NCOA6: variants seen among roughly 807,000 people sequenced by gnomAD.
NCOA6 encodes NRC RAP250.
NCOA6 carries 49 observed loss-of-function variants against 171.4 expected under a neutral mutation model. That is an observed-to-expected ratio of 0.29 (90% CI 0.23 to 0.36). The LOEUF (loss-of-function observed/expected upper bound fraction) is 0.36, where lower values mean the gene tolerates loss of function less well. NCOA6 is among the 10% of genes least tolerant of loss of function. The pLI is 1.00. For missense variants in NCOA6, 2,248 were observed against 2,554.5 expected, an observed-to-expected ratio of 0.88 and a Z score of 2.59; for synonymous variants, 910 against 927.5, an observed-to-expected ratio of 0.98 and a Z score of 0.34.
intron 12 of NCOA6, 191 bp from the exon 13 acceptor site, chr20:34,732,786 G>A: frequency 2.0e-6 from 1 of 489,320 alleles, no homozygotes; most frequent in Non-Finnish European, 3.6e-6. Flanking sequence ...TAAGACACTT[G>A]GTCTATTTTT....
At chr20:34,727,168 G>A in intron 14 of NCOA6, 91 bp downstream of exon 14, 1 of 1,424,292 alleles carries the variant, frequency 7.0e-7, no homozygotes, top group Non-Finnish European at 9.6e-7. Flanking sequence ...AGGAACAGAA[G>A]CAATGATGAA....
At chr20:34,720,924 T>C (rs531533863) in intron 14 of NCOA6, among the ~76,000 whole-genome samples, 1 of 152,342 alleles carries the variant, frequency 6.6e-6, no homozygotes, top group East Asian at 1.9e-4. Context: ...TTAATTTGGC[T>C]CCAAGAGCTT....
chr20:34,763,460 T>C (rs1042423973), intron 5 of NCOA6, among the ~76,000 whole-genome samples: 4 of 152,234 alleles, frequency 2.6e-5, no homozygotes, highest in African/African-American at 9.6e-5. Context: ...TGTTTTCTTA[T>C]GATTCTCATA....
At chr20:34,767,055 A>G (rs1473675947) in intron 5 of NCOA6, among the ~76,000 whole-genome samples, 1 of 152,160 alleles carries the variant, frequency 6.6e-6, no homozygotes, top group Non-Finnish European at 1.5e-5. Context: ...AGGTCCTGAC[A>G]TATATATTTT....
chr20:34,742,097 G>A lies in NCOA6; in HGVS notation c.4159C>T (p.Pro1387Ser). The change falls in exon 11 of 15, where the codon CCT becomes TCT. Residue 1387 changes from proline to serine, a missense_variant. Physicochemically the swap from Pro to Ser is moderately conservative, Grantham distance 74 (BLOSUM62 -1). Coordinates refer to ENST00000359003, the MANE Select transcript of NCOA6 (RefSeq NM_014071.5). Reference protein sequence around the residue: ...SPTPLANPPVPGSFPNNSGLN... With the variant: ...SPTPLANPPVSGSFPNNSGLN... ...CCACTGTTGTTAGGAAAGCTCCCAG[G>A]TACAGGGGGATTGGCCAGAGGAGTG... 6.2e-7 allele frequency: 1 copy of A among 1,614,152 alleles called. No homozygotes were observed. The highest frequency in any genetic ancestry group is 8.5e-7 in the Non-Finnish European group (1 of 1,180,022).
chr20:34,752,018 C>T (rs760048378), intron 8 of NCOA6, among the ~76,000 whole-genome samples: 12 of 152,108 alleles, frequency 7.9e-5, no homozygotes, highest in Non-Finnish European at 8.8e-5. Context: ...ACAACACACC[C>T]GGCTAATTTT....
chr20:34,741,645 CAG>C lies in NCOA6; in HGVS notation c.4609_4610del (p.Leu1537ValfsTer4). 6.2e-7 allele frequency: 1 copy of C among 1,614,226 alleles called. No individual in the cohort carries two copies. Among genetic ancestry groups the C allele is most frequent in the Non-Finnish European group, 8.5e-7 (1 of 1,180,038 alleles). On this transcript the variant is annotated frameshift_variant, in exon 11 of 15. Coordinates refer to ENST00000359003, the MANE Select transcript of NCOA6 (RefSeq NM_014071.5). LOFTEE classifies it high-confidence loss of function. ...KASVIPTLQD[L>X]SSSKEPSNSL... ...AATTAGAAGGTTCTTTAGAAGAAGACAGATCCTGCAGTGTGGGAATGACAGAT... is the reference window on the plus strand; with the variant it reads ...AATTAGAAGGTTCTTTAGAAGAAGACATCCTGCAGTGTGGGAATGACAGAT...
intron 14 of NCOA6, among the ~76,000 whole-genome samples, chr20:34,718,392 T>C (rs561267461): frequency 6.6e-6 from 1 of 152,288 alleles, no homozygotes; most frequent in Admixed American, 6.5e-5. Context: ...AAAAACATCT[T>C]TTGATGAGTT....
At chr20:34,754,594 A>G in intron 8 of NCOA6, 128 bp downstream of exon 8, 1 of 1,151,166 alleles carries the variant, frequency 8.7e-7, no homozygotes, top group Non-Finnish European at 1.2e-6. Flanking sequence ...TGAAAGAATA[A>G]TTATTTATGG....
At chr20:34,744,827 T>C (rs991650306) in intron 10 of NCOA6, among the ~76,000 whole-genome samples, 22 of 152,194 alleles carry the variant, frequency 1.4e-4, no homozygotes, top group East Asian at 9.6e-4. Flanking sequence ...ATTAAGAAAT[T>C]TGTAATTGCT....
chr20:34,804,223 G>C (rs1418857876), intron 1 of NCOA6, among the ~76,000 whole-genome samples: 1 of 151,250 alleles, frequency 6.6e-6, no homozygotes, highest in Non-Finnish European at 1.5e-5. Context: ...TGTAGTCCCA[G>C]CTATTCAGGA....
chr20:34,792,177 A>G (rs1252003277), intron 2 of NCOA6, among the ~76,000 whole-genome samples: 1 of 152,168 alleles, frequency 6.6e-6, no homozygotes, highest in African/African-American at 2.4e-5. Context: ...ATCAACATAA[A>G]TTCTAAAAAT....
chr20:34,770,103 A>G (rs1034285760), intron 4 of NCOA6, among the ~76,000 whole-genome samples: 4 of 151,202 alleles, frequency 2.6e-5, no homozygotes, highest in African/African-American at 7.3e-5. Context: ...GCAGTGGTGC[A>G]ATCTCGGCTC....
intron 5 of NCOA6, among the ~76,000 whole-genome samples, chr20:34,762,117 G>C (rs2076836522): frequency 6.6e-6 from 1 of 152,118 alleles, no homozygotes; most frequent in African/African-American, 2.4e-5. Flanking sequence ...TAAATGTCTT[G>C]AGGCTAGGTT....
At chr20:34,739,382 A>T (rs1348365294) in intron 11 of NCOA6, among the ~76,000 whole-genome samples, 1 of 152,226 alleles carries the variant, frequency 6.6e-6, no homozygotes, top group African/African-American at 2.4e-5. Context: ...GCCCAAGCCC[A>T]TATAGCTGGT....
At chr20:34,795,058 C>T (rs773589542) in intron 1 of NCOA6, among the ~76,000 whole-genome samples, 4 of 152,100 alleles carry the variant, frequency 2.6e-5, no homozygotes, top group Non-Finnish European at 5.9e-5. Flanking sequence ...CTCGGTAGAG[C>T]GGCAAAGCTC....
chr20:34,744,534 A>G (rs1255071627), intron 10 of NCOA6, among the ~76,000 whole-genome samples: 3 of 152,204 alleles, frequency 2.0e-5, no homozygotes, highest in Non-Finnish European at 4.4e-5. Context: ...GTCAAAAGAA[A>G]TGCTGACTCA....
intron 1 of NCOA6, among the ~76,000 whole-genome samples, chr20:34,793,266 G>A (rs1303694925): frequency 1.3e-5 from 2 of 152,078 alleles, no homozygotes; most frequent in Admixed American, 6.5e-5. Context: ...ATCTGCATAT[G>A]CTTAGAGCCC....
chr20:34,762,838 T>A (rs2076857038), intron 5 of NCOA6, among the ~76,000 whole-genome samples: 1 of 152,190 alleles, frequency 6.6e-6, no homozygotes, highest in Admixed American at 6.5e-5. Context: ...ATTCTCTTAG[T>A]CTCTTTGAAA....
Sources: allele counts gnomAD v4.1 joint callset (sites outside exome capture counted in the v4.1 genomes callset), GRCh38; gene constraint gnomAD v4.1.1; transcripts MANE v1.5; gene names NCBI Gene and HGNC (gene_info 2026-07-23, HGNC 2026-07-21).